The following FOXP1 variants were observed in gnomAD, a reference collection of about 807,000 sequenced individuals.
FOXP1 encodes forkhead box protein P1.
FOXP1 carries 15 observed loss-of-function variants against 98.2 expected under a neutral mutation model. That is an observed-to-expected ratio of 0.15 (90% CI 0.10 to 0.24). The LOEUF is 0.24. Ranked by LOEUF, FOXP1 falls within the 10% of genes least tolerant of loss-of-function variation. FOXP1 has a pLI of 1.00. For missense variants in FOXP1, 633 were observed against 848.5 expected (o/e 0.75, Z 3.15); for synonymous variants, 371 against 314.5 (o/e 1.18, Z -1.90).
chr3:71,066,922 T>C (rs968480168), intron 7 of FOXP1, among the ~76,000 whole-genome samples: 6 of 152,176 alleles, frequency 3.9e-5, no homozygotes, highest in Admixed American at 2.6e-4. Context: ...ATGACCCAGC[T>C]GTGGAGACAA....
At chr3:71,095,221 T>C (rs1483852673) in intron 7 of FOXP1, among the ~76,000 whole-genome samples, 1 of 152,262 alleles carries the variant, frequency 6.6e-6, no homozygotes, top group East Asian at 1.9e-4. Context: ...ATCTCTCTTT[T>C]GTAGGAATCC....
intron 4 of FOXP1, among the ~76,000 whole-genome samples, chr3:71,320,417 T>A (rs1042079715): frequency 7.9e-5 from 12 of 151,850 alleles, no homozygotes; most frequent in African/African-American, 2.9e-4. Context: ...TACAGTCTTG[T>A]CTCTAAGCCG....
intron 5 of FOXP1, among the ~76,000 whole-genome samples, chr3:71,223,959 C>T (rs968905985): frequency 2.0e-5 from 3 of 152,134 alleles, no homozygotes; most frequent in East Asian, 1.9e-4. Flanking sequence ...TGGATAATCA[C>T]GCTCCCTAGT....
chr3:71,528,967 T>C (rs2043612225), intron 2 of FOXP1, among the ~76,000 whole-genome samples: 2 of 152,236 alleles, frequency 1.3e-5, no homozygotes, highest in South Asian at 2.1e-4. Flanking sequence ...GAAGCATCTC[T>C]GGTTTTGAAA....
At chr3:71,426,195 T>C (rs546546517) in intron 3 of FOXP1, among the ~76,000 whole-genome samples, 22 of 152,280 alleles carry the variant, frequency 1.4e-4, no homozygotes, top group Admixed American at 2.0e-4. Flanking sequence ...CCTATGAACA[T>C]TGAAAGAATC....
At chr3:71,158,593 C>T (rs961519846) in intron 6 of FOXP1, among the ~76,000 whole-genome samples, 1 of 152,022 alleles carries the variant, frequency 6.6e-6, no homozygotes, top group Non-Finnish European at 1.5e-5. Context: ...ATATATGGTA[C>T]AGGCAACAGA....
chr3:71,342,822 C>G (rs997917238), intron 4 of FOXP1, among the ~76,000 whole-genome samples: 2 of 152,116 alleles, frequency 1.3e-5, no homozygotes, highest in Non-Finnish European at 2.9e-5. Context: ...TCCAGTTTTC[C>G]CCAACGGTGA....
At chr3:71,436,738 C>T (rs1442408830) in intron 3 of FOXP1, among the ~76,000 whole-genome samples, 1 of 152,064 alleles carries the variant, frequency 6.6e-6, no homozygotes, top group East Asian at 1.9e-4. Flanking sequence ...GATGAGAATA[C>T]ACCAAAATAC....
At chr3:71,190,954 G>T (rs1422530073) in intron 6 of FOXP1, among the ~76,000 whole-genome samples, 1 of 152,116 alleles carries the variant, frequency 6.6e-6, no homozygotes, top group African/African-American at 2.4e-5. Context: ...TCTAACATGG[G>T]GTTCAATTCC....
intron 7 of FOXP1, among the ~76,000 whole-genome samples, chr3:71,060,925 C>A (rs2051384343): frequency 6.6e-6 from 1 of 152,134 alleles, no homozygotes; most frequent in Non-Finnish European, 1.5e-5. Flanking sequence ...GTTCAGTATT[C>A]ATTTTTCTCA....
intron 3 of FOXP1, among the ~76,000 whole-genome samples, chr3:71,448,458 A>C (rs1433278409): frequency 6.6e-6 from 1 of 152,200 alleles, no homozygotes; most frequent in African/African-American, 2.4e-5. Flanking sequence ...AATTAATGGA[A>C]CATAGCAAAG....
intron 18 of FOXP1, chr3:70,971,952 A>G: frequency 7.6e-7 from 1 of 1,312,580 alleles, no homozygotes. Context: ...GGATGAGTCA[A>G]CCATGCAAAG....
At chr3:70,979,860 G>GAAGAA (rs2038502119) in intron 14 of FOXP1, among the ~76,000 whole-genome samples, 1 of 151,548 alleles carries the variant, frequency 6.6e-6, no homozygotes, top group Non-Finnish European at 1.5e-5. Context: ...CAATGAACCT[G>GAAGAA]AAGAAAAGAA....
intron 7 of FOXP1, among the ~76,000 whole-genome samples, chr3:71,056,546 C>G (rs556680972): frequency 1.3e-5 from 2 of 152,248 alleles, no homozygotes; most frequent in South Asian, 4.1e-4. Context: ...AGCAAGAGGC[C>G]TGAGTAATCC....
chr3:71,113,229 C>G (rs1277594039), intron 6 of FOXP1, among the ~76,000 whole-genome samples: 1 of 152,172 alleles, frequency 6.6e-6, no homozygotes, highest in East Asian at 1.9e-4. Context: ...TTTGGCAAAT[C>G]TGATCTCTAG....
intron 2 of FOXP1, among the ~76,000 whole-genome samples, chr3:71,502,872 A>G (rs1429588528): frequency 2.0e-5 from 3 of 152,234 alleles, no homozygotes; most frequent in African/African-American, 7.2e-5. Context: ...TACGGGAGGA[A>G]AAATCAAATA....
At chr3:71,182,498 A>ATGTGTG (rs201607064) in intron 6 of FOXP1, among the ~76,000 whole-genome samples, 52 of 120,006 alleles carry the variant, frequency 4.3e-4, no homozygotes, top group East Asian at 2.2e-3. Flanking sequence ...TGTAAACTAT[A>ATGTGTG]TATATGTGTG....
At chr3:71,247,417 C>T (rs1209301571) in intron 5 of FOXP1, among the ~76,000 whole-genome samples, 1 of 152,154 alleles carries the variant, frequency 6.6e-6, no homozygotes, top group African/African-American at 2.4e-5. Context: ...TCTGTCACAC[C>T]TTACGGAATG....
At chr3:71,247,860 C>T (rs1226924383) in intron 5 of FOXP1, among the ~76,000 whole-genome samples, 2 of 152,298 alleles carry the variant, frequency 1.3e-5, no homozygotes, top group East Asian at 1.9e-4. Context: ...GATGGATGGA[C>T]ATGTCCCAAG....
Sources: allele counts gnomAD v4.1 joint callset (sites outside exome capture counted in the v4.1 genomes callset), GRCh38; gene constraint gnomAD v4.1.1; transcripts MANE v1.5; gene names NCBI Gene and HGNC (gene_info 2026-07-23, HGNC 2026-07-21).